SDCCAG8: variants seen among roughly 807,000 people sequenced by gnomAD.
SDCCAG8 encodes the protein SHH signaling and ciliogenesis regulator SDCCAG8.
Under a neutral mutation model 101.8 loss-of-function variants are expected in SDCCAG8, and 74 were observed. The ratio of observed to expected loss-of-function variants is 0.73; its 90% confidence interval spans 0.60 to 0.88. The LOEUF is 0.88. Ranked by LOEUF, SDCCAG8 falls within the 40% of genes least tolerant of loss-of-function variation. The probability of loss-of-function intolerance (pLI) is 0.00; values close to 1 mark genes in which losing one functional copy is unlikely to be tolerated. For synonymous variants in SDCCAG8, 281 were observed against 292.9 expected (o/e 0.96, Z 0.41); for missense variants, 787 against 822.6 (o/e 0.96, Z 0.53).
chr1:243,465,776 C>G (rs1660015593), intron 16 of SDCCAG8, among the ~76,000 whole-genome samples: 1 of 152,150 alleles, frequency 6.6e-6, no homozygotes, highest in Non-Finnish European at 1.5e-5. Flanking sequence ...TTTGTATTAA[C>G]ACTTTTTTCT....
intron 1 of SDCCAG8, among the ~76,000 whole-genome samples, chr1:243,256,553 C>T (rs2066712796): frequency 6.6e-6 from 1 of 152,188 alleles, no homozygotes; most frequent in Non-Finnish European, 1.5e-5. Flanking sequence ...CCATACGTTG[C>T]TATTTAATCC....
At chr1:243,461,399 C>G (rs890706136) in intron 16 of SDCCAG8, among the ~76,000 whole-genome samples, 1 of 152,188 alleles carries the variant, frequency 6.6e-6, no homozygotes, top group Non-Finnish European at 1.5e-5. Context: ...TCACTGACCT[C>G]GAGGTCCCCA....
At chr1:243,356,965 G>A in intron 12 of SDCCAG8, among the ~76,000 whole-genome samples, 1 of 151,982 alleles carries the variant, frequency 6.6e-6, no homozygotes, top group East Asian at 1.9e-4. Flanking sequence ...GCACTGCACT[G>A]CAGCCTGGGC....
At position 243,472,692 on chromosome 1, in the gene SDCCAG8, G is replaced by C. The variant is rs150959773; in HGVS notation, c.1986-16322G>C. Among the ~76,000 whole-genome samples the C allele has an allele frequency of 4.0e-3, 604 of 152,286 alleles. 3 individuals carry two copies. The highest frequency in any genetic ancestry group is 0.014 in the African/African-American group (585 of 41,554). The stretch of plus-strand genomic sequence containing the variant: ...TTATTTGCTGTGGAACAATGCAAAG[G>C]CTTCCTCAAAAAAAGAAATGAAACC... On this transcript the variant is annotated intron_variant, in intron 16 of 17. Transcript: ENST00000366541.
At chr1:243,415,899 G>T in intron 14 of SDCCAG8, 70 bp downstream of exon 14, 1 of 1,578,852 alleles carries the variant, frequency 6.3e-7, no homozygotes. Flanking sequence ...ACTGTGAAAT[G>T]ACATCAGGAA....
chr1:243,385,429 GTA>G (rs1302154947), intron 13 of SDCCAG8, among the ~76,000 whole-genome samples: 4 of 152,160 alleles, frequency 2.6e-5, no homozygotes, highest in African/African-American at 9.6e-5. Flanking sequence ...ACATACACAT[GTA>G]GTCGGTAAGA....
chr1:243,368,832 A>T (rs976359132), intron 12 of SDCCAG8, among the ~76,000 whole-genome samples: 1 of 152,112 alleles, frequency 6.6e-6, no homozygotes, highest in African/African-American at 2.4e-5. Context: ...AAAAACAATG[A>T]ATTTCTCCTA....
chr1:243,263,882 C>T (rs2067379200), intron 1 of SDCCAG8, among the ~76,000 whole-genome samples: 1 of 152,172 alleles, frequency 6.6e-6, no homozygotes, highest in Non-Finnish European at 1.5e-5. Context: ...GGTAGTGTTA[C>T]CTGTTGGTCC....
At chr1:243,267,242 T>TAAA (rs36005780) in intron 1 of SDCCAG8, 33 of 162,454 alleles carry the variant, frequency 2.0e-4, no homozygotes, top group South Asian at 1.4e-3. Context: ...GACTCCGTCT[T>TAAA]AAAAAAAAAA....
chr1:243,499,817 A>G lies in SDCCAG8; in HGVS notation c.*32A>G, dbSNP rs769698229. The stretch of plus-strand genomic sequence containing the variant: ...TGGAACAGAGTGAAATAAATGATTT[A>G]CAAAGAGATATTTACATTCATCTGG... On this transcript the variant is annotated 3_prime_UTR_variant, in exon 18 of 18. Transcript: ENST00000366541. 29 of 1,603,748 alleles carry G rather than the reference A, an allele frequency of 1.8e-5. No individual in the cohort carries two copies. The East Asian group carries it at 6.5e-4, about 36-fold the overall frequency.
rs1374986343 is a variant in SDCCAG8 at position 243,458,128 on chromosome 1, T to G, written c.1986-30886T>G. On this transcript the variant is annotated intron_variant, in intron 16 of 17. Coordinates refer to ENST00000366541, the MANE Select transcript of SDCCAG8 (RefSeq NM_006642.5). The surrounding 1 kb of genome is among the most constrained non-coding windows in gnomAD (Gnocchi z 4.5). The stretch of plus-strand genomic sequence containing the variant: ...TGTGGGTCAGAGTGAGTTACTAATT[T>G]TAGAAGTGTTCTCGTGAAGACATCT... Among the ~76,000 whole-genome samples the G allele has an allele frequency of 1.3e-5, 2 of 152,186 alleles. No homozygotes were observed. The highest frequency in any genetic ancestry group is 4.8e-5 in the African/African-American group (2 of 41,448).
In SDCCAG8 at chr1:243,490,784, G is replaced by A. The variant is rs1182394161; in HGVS notation, c.2112+1644G>A. On this transcript the variant is annotated intron_variant, in intron 17 of 17. Transcript: ENST00000366541. ...GAGGCCTGCAGAGCAGCAGCTGTGG[G>A]ACCAGTGCCACTCCCCTCCCCTCTG... 2.0e-5 allele frequency among the ~76,000 whole-genome samples: 3 copies of A among 152,160 alleles called. No individual in the cohort carries two copies. The East Asian group carries it at 5.8e-4, about 29-fold the overall frequency.
At chr1:243,340,991 G>C in intron 10 of SDCCAG8, 48 bp from the exon 11 acceptor site, 1 of 1,582,908 alleles carries the variant, frequency 6.3e-7, no homozygotes, top group Non-Finnish European at 8.7e-7. Flanking sequence ...TTTAGTATTT[G>C]ATTTGTCAAA....
At chr1:243,360,338 G>C (rs2076629360) in intron 12 of SDCCAG8, among the ~76,000 whole-genome samples, 1 of 151,692 alleles carries the variant, frequency 6.6e-6, no homozygotes, top group South Asian at 2.1e-4. Context: ...ATTTTTAGTA[G>C]AGATGGGGTT....
Position 243,355,723 on chromosome 1 carries a change from C to T in SDCCAG8, c.1473+11392C>T, listed in dbSNP as rs555127030. On this transcript the variant is annotated intron_variant, in intron 12 of 17. Coordinates refer to ENST00000366541, the MANE Select transcript of SDCCAG8 (RefSeq NM_006642.5). ...TGGGTTCAAGTGATCATCCCGCCTC[C>T]ACCTCCCAAGTAGCTGGGACCACAG... is the stretch of plus-strand genomic sequence containing the variant. Among the ~76,000 whole-genome samples the T allele has an allele frequency of 2.6e-5, 4 of 152,228 alleles. No homozygotes were observed. In the East Asian group the frequency reaches 7.7e-4, roughly 29 times the overall value.
rs374380907 is a variant in SDCCAG8, at chr1:243,357,426, T to C, written c.1473+13095T>C. Among the ~76,000 whole-genome samples, 95 of 152,228 alleles carry C rather than the reference T, an allele frequency of 6.2e-4. 2 individuals carry two copies. The South Asian group carries it at 0.019, about 31-fold the overall frequency. On this transcript the variant is annotated intron_variant, in intron 12 of 17. Transcript: ENST00000366541. Reference sequence around the variant, plus strand: ...GAAGGTAACTTTTGTCTTTAGTCTTTCCTATTTCAATGGCCACATATAAAG... The same window carrying C: ...GAAGGTAACTTTTGTCTTTAGTCTTCCCTATTTCAATGGCCACATATAAAG...
intron 12 of SDCCAG8, among the ~76,000 whole-genome samples, chr1:243,360,782 A>G (rs1247438001): frequency 1.3e-5 from 2 of 152,062 alleles, no homozygotes; most frequent in Non-Finnish European, 2.9e-5. Flanking sequence ...GGATTGCGCC[A>G]CTGCACTCCA....
chr1:243,481,774 A>G (rs12125812), intron 16 of SDCCAG8, among the ~76,000 whole-genome samples: 18,030 of 152,218 alleles, frequency 0.12, 1,517 homozygotes, highest in East Asian at 0.43. Context: ...GGATTTTACC[A>G]CTACCACCAA....
At chr1:243,273,930 C>G in intron 3 of SDCCAG8, among the ~76,000 whole-genome samples, 1 of 152,192 alleles carries the variant, frequency 6.6e-6, no homozygotes, top group East Asian at 1.9e-4. Context: ...ATATTCACAT[C>G]CATGAATCTT....
Sources: gnomAD v4.1 joint callset for allele counts (sites outside exome capture counted in the v4.1 genomes callset) on GRCh38, gnomAD v4.1.1 for gene constraint, Gnocchi (gnomAD v3.1) non-coding constraint, MANE v1.5 for transcripts, NCBI Gene and HGNC (gene_info 2026-07-23, HGNC 2026-07-21) for gene names.